Variants in KALRN observed in about 807,000 individuals in gnomAD.
KALRN encodes kalirin RhoGEF kinase, also known as kalirin.
KALRN carries 70 observed loss-of-function variants against 353.7 expected under a neutral mutation model. That is an observed-to-expected ratio of 0.20 (90% CI 0.16 to 0.24). The LOEUF (loss-of-function observed/expected upper bound fraction) is 0.24, where lower values mean the gene tolerates loss of function less well. Ranked by LOEUF, KALRN falls within the 10% of genes least tolerant of loss-of-function variation. KALRN has a pLI of 1.00. For synonymous variants in KALRN, 1,391 were observed against 1,434.8 expected (o/e 0.97, Z 0.69); for missense variants, 2,791 against 3,756.7 (o/e 0.74, Z 6.72).
intron 10 of KALRN, among the ~76,000 whole-genome samples, chr3:124,349,026 A>G (rs574723275): frequency 1.3e-5 from 2 of 152,322 alleles, no homozygotes; most frequent in South Asian, 4.1e-4. Context: ...GCTGTCAAAC[A>G]GATATTTATA....
intron 10 of KALRN, among the ~76,000 whole-genome samples, chr3:124,360,293 C>T (rs886498166): frequency 7.9e-5 from 12 of 152,138 alleles, no homozygotes; most frequent in Non-Finnish European, 1.5e-4. Flanking sequence ...GGTTGGCTGC[C>T]GGTGGAATCT....
chr3:124,328,175 T>G (rs2080119182), intron 7 of KALRN, among the ~76,000 whole-genome samples: 1 of 152,200 alleles, frequency 6.6e-6, no homozygotes. Context: ...AACCCTATAC[T>G]TTGAGAGGGA....
intron 25 of KALRN, among the ~76,000 whole-genome samples, chr3:124,467,231 G>A (rs1417058251): frequency 2.0e-5 from 3 of 152,212 alleles, no homozygotes; most frequent in African/African-American, 4.8e-5. Flanking sequence ...GGGTAAAATC[G>A]AGGCTGGGGA....
chr3:124,481,503 C>T (rs141810291), intron 27 of KALRN, among the ~76,000 whole-genome samples: 12 of 152,252 alleles, frequency 7.9e-5, no homozygotes, highest in East Asian at 5.8e-4. Context: ...CACCATGCCC[C>T]GCCTGTTTTT....
chr3:124,457,061 A>AT (rs78307788), intron 23 of KALRN, among the ~76,000 whole-genome samples: 12 of 150,272 alleles, frequency 8.0e-5, no homozygotes, highest in East Asian at 2.0e-4. Context: ...CTGCCTTCTG[A>AT]TTTTTTTTTT....
intron 6 of KALRN, among the ~76,000 whole-genome samples, chr3:124,321,480 A>T (rs2079331138): frequency 6.6e-6 from 1 of 152,234 alleles, no homozygotes; most frequent in Middle Eastern, 3.2e-3. Context: ...GTAAGCCAGG[A>T]ATCAGGTTGG....
At chr3:124,498,565 T>C (rs901786048) in intron 33 of KALRN, among the ~76,000 whole-genome samples, 1 of 152,202 alleles carries the variant, frequency 6.6e-6, no homozygotes, top group Non-Finnish European at 1.5e-5. Context: ...ATATGAACAT[T>C]GTATTTTTAA....
Position 124,657,803 on chromosome 3 carries a change from C to T in KALRN, c.6036C>T (p.His2012=), listed in dbSNP as rs115886457. ...GATTGGCACAGCTCTTTATTAAGCA[C>T]GTGAGTGTCTCCCATCACCTCCTCC... ...QDRLAQLFIK[H]ERKLHIYVWY... is the part of the protein sequence containing the mutation. The change falls in exon 41 of 60, where the codon CAC becomes CAT. Residue 2012 remains histidine, a splice_region_variant and synonymous_variant. Transcript: ENST00000682506. The T allele has an allele frequency of 2.3e-3, 3,622 of 1,604,334 alleles. 71 individuals are homozygous for T. The African/African-American group carries it at 0.041, about 18-fold the overall frequency.
intron 55 of KALRN, among the ~76,000 whole-genome samples, chr3:124,699,437 C>T (rs2062212792): frequency 6.6e-6 from 1 of 152,196 alleles, no homozygotes; most frequent in African/African-American, 2.4e-5. Flanking sequence ...ATGTTGAAAA[C>T]ACCTTCCACA....
At chr3:124,511,370 T>C (rs1177088698) in intron 33 of KALRN, among the ~76,000 whole-genome samples, 1 of 152,208 alleles carries the variant, frequency 6.6e-6, no homozygotes, top group African/African-American at 2.4e-5. Flanking sequence ...AAACTCATCA[T>C]ATACCACATC....
At chr3:124,642,130 AGAAATT>A (rs1460127841) in intron 37 of KALRN, among the ~76,000 whole-genome samples, 6 of 152,236 alleles carry the variant, frequency 3.9e-5, no homozygotes, top group South Asian at 2.1e-4. Flanking sequence ...AAAATACAAA[AGAAATT>A]AGATGGGCGT....
At chr3:124,228,722 C>T (rs1234906631) in intron 2 of KALRN, among the ~76,000 whole-genome samples, 1 of 152,136 alleles carries the variant, frequency 6.6e-6, no homozygotes, top group African/African-American at 2.4e-5. Context: ...AACAAATTTC[C>T]ATGAGCTTAG....
intron 13 of KALRN, among the ~76,000 whole-genome samples, chr3:124,412,383 G>C (rs1207051610): frequency 2.6e-5 from 4 of 152,236 alleles, no homozygotes; most frequent in African/African-American, 9.6e-5. Flanking sequence ...GACCTGGAGT[G>C]ACACTTTCGT....
intron 1 of KALRN, among the ~76,000 whole-genome samples, chr3:124,113,120 A>G (rs981296877): frequency 1.3e-5 from 2 of 152,150 alleles, no homozygotes; most frequent in Non-Finnish European, 2.9e-5. Flanking sequence ...GTTAAGTGGG[A>G]GGAGGCTTTG....
chr3:124,197,125 C>T (rs889792464), intron 1 of KALRN, among the ~76,000 whole-genome samples: 4 of 152,008 alleles, frequency 2.6e-5, no homozygotes, highest in African/African-American at 9.7e-5. Context: ...GATTGCAAAC[C>T]CTGTCGTTTA....
At chr3:124,149,693 C>T (rs1424190862) in intron 1 of KALRN, among the ~76,000 whole-genome samples, 1 of 152,182 alleles carries the variant, frequency 6.6e-6, no homozygotes, top group African/African-American at 2.4e-5. Context: ...TAATACTAAC[C>T]TTCTCTATTT....
intron 1 of KALRN, chr3:124,162,175 T>C (rs943965626): frequency 2.0e-5 from 3 of 152,292 alleles, no homozygotes; most frequent in Admixed American, 6.6e-5. Context: ...AGTGCCTTCA[T>C]TGTGGGCTGC....
chr3:124,469,209 T>C (rs2060644864), intron 25 of KALRN, among the ~76,000 whole-genome samples: 1 of 152,244 alleles, frequency 6.6e-6, no homozygotes, highest in Admixed American at 6.5e-5. Context: ...CAGGTAACCA[T>C]GCAGCAAGGT....
intron 33 of KALRN, among the ~76,000 whole-genome samples, chr3:124,521,136 A>C (rs2067130489): frequency 2.0e-5 from 3 of 152,222 alleles, no homozygotes; most frequent in Admixed American, 2.0e-4. Context: ...TTTGCAGCAC[A>C]CATCCATGTA....
Sources: gnomAD v4.1 joint callset for allele counts (sites outside exome capture counted in the v4.1 genomes callset) on GRCh38, gnomAD v4.1.1 for gene constraint, MANE v1.5 for transcripts, NCBI Gene and HGNC (gene_info 2026-07-23, HGNC 2026-07-21) for gene names.